Variants in NCOA7 observed in about 807,000 individuals in gnomAD.
NCOA7 encodes the protein 140 kDa estrogen receptor-associated protein.
Under a neutral mutation model 104.3 loss-of-function variants are expected in NCOA7, and 45 were observed. That is an observed-to-expected ratio of 0.43 (90% confidence interval 0.34 to 0.55). The LOEUF is 0.55. Among genes scored for constraint, NCOA7 ranks in the 20% least tolerant of loss-of-function variants. The pLI, the probability that NCOA7 is intolerant of heterozygous loss-of-function variation, is 0.02. For synonymous variants in NCOA7, 398 were observed against 402.3 expected (o/e 0.99, Z 0.13); for missense variants, 1,041 against 1,119.7 (o/e 0.93, Z 1.00).
intron 1 of NCOA7, among the ~76,000 whole-genome samples, chr6:125,797,539 T>C (rs1775453808): frequency 6.6e-6 from 1 of 152,354 alleles, no homozygotes; most frequent in South Asian, 2.1e-4. Context: ...CCTTAAGAGC[T>C]TTCATGTTTC....
chr6:125,804,640 A>G (rs1325583596), intron 1 of NCOA7, among the ~76,000 whole-genome samples: 2 of 152,236 alleles, frequency 1.3e-5, no homozygotes, highest in African/African-American at 2.4e-5. Flanking sequence ...ATGAGTATTA[A>G]TGAGAGAATG....
rs769739057 is a variant in NCOA7, at chr6:125,931,652, A to G, written c.*2881A>G. The G allele has an allele frequency of 1.4e-4, 22 of 152,208 alleles. No homozygotes were observed. The highest frequency in any genetic ancestry group is 2.6e-4 in the Admixed American group (4 of 15,274). The allele number at this position is 152,208 out of a possible 1,614,324, so 9.4% of individuals were successfully genotyped here. On this transcript the variant is annotated 3_prime_UTR_variant, in exon 16 of 16. Transcript: ENST00000392477. ...CTACAAGCCACCAGAGACATCCTGC[A>G]CTATTATAAGTATGTCTTCCCTTAA...
Position 125,889,042 on chromosome 6 carries a change from A to G in NCOA7, c.988A>G (p.Lys330Glu). Residue 330 changes from lysine to glutamate, a missense_variant, in exon 9 of 16, where the codon AAG (lysine) becomes GAG (glutamate). Physicochemically the swap from Lys to Glu is moderately conservative, Grantham distance 56. This residue lies in a region of NCOA7 where 914 missense variants were observed against 942.7 expected (regional missense o/e 0.97). Coordinates refer to ENST00000392477, the MANE Select transcript of NCOA7 (RefSeq NM_181782.5). ...ATTCAGTAAGTTCAAATCTATCAAC[A>G]AGGAAAAACGACAGCAGAATGGAGA... is the stretch of plus-strand genomic sequence containing the variant. ...NPFSKFKSIN[K>E]EKRQQNGEKI... The G allele has an allele frequency of 1.2e-6, 2 of 1,614,164 alleles. No homozygotes were observed. The highest frequency in any genetic ancestry group is 8.5e-7 in the Non-Finnish European group (1 of 1,179,976).
chr6:125,922,910 A>T, intron 13 of NCOA7, 76 bp downstream of exon 13: 1 of 1,296,438 alleles, frequency 7.7e-7, no homozygotes. Flanking sequence ...GACTAGTACC[A>T]TATACTTCCA....
intron 1 of NCOA7, among the ~76,000 whole-genome samples, chr6:125,784,911 A>G (rs1466763520): frequency 6.6e-6 from 1 of 152,154 alleles, no homozygotes; most frequent in African/African-American, 2.4e-5. Context: ...CTAAAGGAGT[A>G]GCTTATGGGA....
chr6:125,901,697 C>A (rs1169506850), intron 10 of NCOA7, among the ~76,000 whole-genome samples: 5 of 152,132 alleles, frequency 3.3e-5, no homozygotes, highest in African/African-American at 1.2e-4. Context: ...AGTGTTAAAC[C>A]AGCTTAGTGG....
chr6:125,816,166 T>G (rs907717990), intron 2 of NCOA7, among the ~76,000 whole-genome samples: 2 of 152,222 alleles, frequency 1.3e-5, no homozygotes, highest in Non-Finnish European at 2.9e-5. Flanking sequence ...TCATTAGAGA[T>G]GCATTTATTA....
chr6:125,848,034 C>A (rs1456636935), intron 2 of NCOA7, among the ~76,000 whole-genome samples: 1 of 152,136 alleles, frequency 6.6e-6, no homozygotes, highest in Non-Finnish European at 1.5e-5. Context: ...ATGCAGCCAA[C>A]AGACACATGA....
At chr6:125,838,344 A>G (rs1019809294) in intron 2 of NCOA7, among the ~76,000 whole-genome samples, 3 of 152,184 alleles carry the variant, frequency 2.0e-5, no homozygotes, top group African/African-American at 7.2e-5. Flanking sequence ...CTTGTTATAC[A>G]GATGAAACCT....
At chr6:125,846,834 T>C (rs955623760) in intron 2 of NCOA7, among the ~76,000 whole-genome samples, 1 of 152,182 alleles carries the variant, frequency 6.6e-6, no homozygotes, top group Non-Finnish European at 1.5e-5. Flanking sequence ...CCTTTTCTTA[T>C]CTGTAAAATA....
intron 1 of NCOA7, among the ~76,000 whole-genome samples, chr6:125,785,779 T>A (rs1223441263): frequency 6.6e-6 from 1 of 152,230 alleles, no homozygotes; most frequent in East Asian, 1.9e-4. Flanking sequence ...TTAAATTAGC[T>A]GTGAATAAAA....
At chr6:125,841,858 T>A (rs1423284801) in intron 2 of NCOA7, among the ~76,000 whole-genome samples, 2 of 152,184 alleles carry the variant, frequency 1.3e-5, no homozygotes, top group African/African-American at 4.8e-5. Flanking sequence ...ATTGAGAGCA[T>A]CTGCCAAAAT....
At chr6:125,868,014 T>A (rs1782580916) in intron 3 of NCOA7, among the ~76,000 whole-genome samples, 2 of 152,228 alleles carry the variant, frequency 1.3e-5, no homozygotes, top group South Asian at 4.1e-4. Flanking sequence ...CCTTTTCGTA[T>A]ATACTCTTTA....
chr6:125,841,540 G>T (rs139827213), intron 2 of NCOA7, among the ~76,000 whole-genome samples: 86 of 151,948 alleles, frequency 5.7e-4, no homozygotes, highest in African/African-American at 2.1e-3. Context: ...TTTTAAGAGC[G>T]TGATCAAGAC....
rs559237045 is a variant in NCOA7, at chr6:125,863,579, A to T, written c.271+8339A>T. On this transcript the variant is annotated intron_variant, in intron 3 of 15. Transcript: ENST00000392477. Reference sequence around the variant, plus strand: ...CAGGGGTTTTAAGCTTTGAAAAATTAAATTAGAAGTAAACTAGGAAGGATA... The same window carrying T: ...CAGGGGTTTTAAGCTTTGAAAAATTTAATTAGAAGTAAACTAGGAAGGATA... Among the ~76,000 whole-genome samples the T allele has an allele frequency of 1.7e-4, 24 of 138,650 alleles. 5 individuals carry two copies. Among genetic ancestry groups the T allele is most frequent in the Non-Finnish European group, 1.2e-4 (8 of 64,966 alleles). The allele number at this position is 138,650 out of a possible 152,430, so 91.0% of individuals were successfully genotyped here. A position where few individuals can be genotyped will look rare whatever the true frequency, so the allele number is the denominator to read the frequency against.
chr6:125,862,037 C>CAAAAAAA (rs56389001), intron 3 of NCOA7, among the ~76,000 whole-genome samples: 3 of 63,778 alleles, frequency 4.7e-5, no homozygotes, highest in African/African-American at 1.2e-4. Flanking sequence ...AACTCTTTCT[C>CAAAAAAA]AAAAAAAAAA....
At position 125,815,359 on chromosome 6, in the gene NCOA7, A is replaced by G; in HGVS notation, c.5A>G (p.Asp2Gly). 6.2e-7 allele frequency: 1 copy of G among 1,607,736 alleles called. No individual in the cohort carries two copies. The highest frequency in any genetic ancestry group is 1.7e-4 in the Middle Eastern group (1 of 6,056). ...TTGCACTTTTGATTGTGTATTATGG[A>G]TACCAAGGAAGAGAAGAAGGAACGG... The part of the protein sequence containing the change: M[D>G]TKEEKKERKQ... The change falls in exon 2 of 16, where the codon GAT becomes GGT. Residue 2 changes from aspartate to glycine, a missense_variant. Transcript: ENST00000392477.
Position 125,889,718 on chromosome 6 carries a change from G to A in NCOA7, c.1664G>A (p.Gly555Glu), listed in dbSNP as rs1009496832. 6 of 1,613,924 alleles carry A rather than the reference G, an allele frequency of 3.7e-6. No homozygotes were observed. The highest frequency in any genetic ancestry group is 5.1e-6 in the Non-Finnish European group (6 of 1,179,950). The change falls in exon 9 of 16, where the codon GGA becomes GAA. Residue 555 changes from glycine to glutamate, a missense_variant. This residue lies in a region of NCOA7 where 914 missense variants were observed against 942.7 expected (regional missense o/e 0.97). Transcript: ENST00000392477. ...LSDGKSIEPG[G>E]IDITLSSSLS... ...GATGGAAAAAGTATTGAACCAGGGG[G>A]AATAGACATTACCCTTAGTAGTTCT... is the stretch of plus-strand genomic sequence containing the variant.
intron 13 of NCOA7, among the ~76,000 whole-genome samples, chr6:125,923,936 T>G (rs1787801209): frequency 6.6e-6 from 1 of 152,250 alleles, no homozygotes; most frequent in African/African-American, 2.4e-5. Context: ...TTTGTGACTT[T>G]ATCGTAATAT....
Sources: allele counts gnomAD v4.1 joint callset (sites outside exome capture counted in the v4.1 genomes callset), GRCh38; gene constraint gnomAD v4.1.1; regional missense constraint gnomAD v4.1.1; transcripts MANE v1.5; gene names NCBI Gene and HGNC (gene_info 2026-07-23, HGNC 2026-07-21).